Variants in GALNT13 observed in about 807,000 individuals in gnomAD.
GALNT13 encodes the protein polypeptide N-acetylgalactosaminyltransferase 13.
A neutral mutation model predicts 64.2 loss-of-function variants in GALNT13; 28 were observed. The ratio of observed to expected loss-of-function variants is 0.44; its 90% CI spans 0.32 to 0.60. The LOEUF (loss-of-function observed/expected upper bound fraction) is 0.60, where lower values mean the gene tolerates loss of function less well. GALNT13 is among the 20% of genes least tolerant of loss of function. GALNT13 has a pLI of 0.05. For missense variants in GALNT13, 577 were observed against 669.8 expected (o/e 0.86, Z 1.53); for synonymous variants, 214 against 224.6 (o/e 0.95, Z 0.42).
At chr2:153,863,639 A>G in the GALNT13 span, among the ~76,000 whole-genome samples, 1 of 152,188 alleles carries the variant, frequency 6.6e-6, no homozygotes, top group South Asian at 2.1e-4. Flanking sequence ...GAAGTATTAG[A>G]TACTTAAACA....
intron 4 of GALNT13, among the ~76,000 whole-genome samples, chr2:154,198,702 G>GA (rs1288051839): frequency 6.6e-6 from 1 of 150,698 alleles, no homozygotes; most frequent in Non-Finnish European, 1.5e-5. Context: ...TTAACTTTTT[G>GA]AAAAAATAAA....
chr2:154,231,661 A>G (rs1688922083), intron 4 of GALNT13, among the ~76,000 whole-genome samples: 1 of 151,580 alleles, frequency 6.6e-6, no homozygotes, highest in Non-Finnish European at 1.5e-5. Flanking sequence ...AGTAAAAACC[A>G]CAAGGTGCAG....
the GALNT13 span, among the ~76,000 whole-genome samples, chr2:153,722,982 C>T: frequency 1.3e-5 from 2 of 152,012 alleles, no homozygotes. Flanking sequence ...GATACCAAAG[C>T]CGGGCAGAGA....
chr2:153,154,311 G>A, the GALNT13 span, among the ~76,000 whole-genome samples: 56 of 152,242 alleles, frequency 3.7e-4, no homozygotes, highest in African/African-American at 1.3e-3. Context: ...CTGCCACCAC[G>A]TAAGACGTGC....
chr2:153,823,528 C>T, the GALNT13 span, among the ~76,000 whole-genome samples: 2 of 152,236 alleles, frequency 1.3e-5, no homozygotes, highest in South Asian at 2.1e-4. Flanking sequence ...AAAGGACCCC[C>T]TATTCAATAA....
the GALNT13 span, among the ~76,000 whole-genome samples, chr2:153,339,566 C>T: frequency 6.6e-6 from 1 of 152,080 alleles, no homozygotes; most frequent in Admixed American, 6.5e-5. Flanking sequence ...TGTAAGTTGT[C>T]TTTTTACTCC....
chr2:153,211,026 T>C, the GALNT13 span, among the ~76,000 whole-genome samples: 1 of 152,208 alleles, frequency 6.6e-6, no homozygotes, highest in Non-Finnish European at 1.5e-5. Context: ...ATAACACATT[T>C]ATACCCAATT....
At chr2:153,566,348 G>GTTTTTTTGTTTTTTTTTTTTTTT in the GALNT13 span, among the ~76,000 whole-genome samples, 14 of 74,806 alleles carry the variant, frequency 1.9e-4, no homozygotes, top group African/African-American at 8.9e-4. Context: ...TTCTAATCAC[G>GTTTTTTTGTTTTTTTTTTTTTTT]TTTTTTTTTT....
At chr2:154,301,940 A>T (rs1559078679) in intron 9 of GALNT13, among the ~76,000 whole-genome samples, 1 of 152,082 alleles carries the variant, frequency 6.6e-6, no homozygotes, top group East Asian at 1.9e-4. Context: ...CAGAAACAAG[A>T]TGGAAAATTA....
chr2:153,464,985 G>C, the GALNT13 span, among the ~76,000 whole-genome samples: 3 of 152,094 alleles, frequency 2.0e-5, no homozygotes, highest in South Asian at 4.1e-4. Context: ...CAACACAGTA[G>C]TATGAATTCT....
the GALNT13 span, among the ~76,000 whole-genome samples, chr2:153,126,065 A>C: frequency 6.6e-6 from 1 of 151,930 alleles, no homozygotes; most frequent in Admixed American, 6.5e-5. Context: ...AAATGCTTTA[A>C]ATTTATGGAT....
rs561185498 is a variant in GALNT13 at position 154,253,196 on chromosome 2, G to A, written c.858-5825G>A. ...AATGACAGTCAAACACTGTGGGGCT[G>A]GGGTTTGAATCCAATCTAGCTATGA... On this transcript the variant is annotated intron_variant, in intron 7 of 12. Coordinates refer to ENST00000392825, the MANE Select transcript of GALNT13 (RefSeq NM_052917.4). Among the ~76,000 whole-genome samples the A allele has an allele frequency of 5.9e-5, 9 of 152,240 alleles. No homozygotes were observed. In the South Asian group the frequency reaches 1.9e-3, roughly 32 times the overall value.
chr2:153,068,661 A>G, the GALNT13 span, among the ~76,000 whole-genome samples: 4 of 152,204 alleles, frequency 2.6e-5, no homozygotes, highest in Admixed American at 6.5e-5. Context: ...GATATGTAAC[A>G]AAGTTTACAT....
At chr2:153,571,908 T>C in the GALNT13 span, among the ~76,000 whole-genome samples, 1,912 of 145,396 alleles carry the variant, frequency 0.013, 28 homozygotes, top group Middle Eastern at 0.037. Flanking sequence ...GGAGTTTTCT[T>C]TTTTTTTGAT....
intron 12 of GALNT13, among the ~76,000 whole-genome samples, chr2:154,448,934 A>G (rs915222002): frequency 2.6e-5 from 4 of 152,028 alleles, no homozygotes; most frequent in African/African-American, 7.2e-5. Context: ...GAGAATATAT[A>G]CATAAAAGAC....
chr2:153,427,640 T>C, the GALNT13 span, among the ~76,000 whole-genome samples: 1 of 152,168 alleles, frequency 6.6e-6, no homozygotes, highest in Non-Finnish European at 1.5e-5. Context: ...AACTTAAACA[T>C]TTTTTAAAAG....
At chr2:153,385,018 A>C in the GALNT13 span, among the ~76,000 whole-genome samples, 11 of 152,124 alleles carry the variant, frequency 7.2e-5, no homozygotes, top group African/African-American at 2.4e-4. Flanking sequence ...CAGTGAAAAA[A>C]TAATCTATTT....
chr2:153,753,472 C>A, the GALNT13 span, among the ~76,000 whole-genome samples: 1 of 152,182 alleles, frequency 6.6e-6, no homozygotes, highest in South Asian at 2.1e-4. Context: ...AACCCAGTAA[C>A]ACTGTGATTC....
chr2:154,427,870 G>A (rs555386119), intron 11 of GALNT13, among the ~76,000 whole-genome samples: 51 of 152,276 alleles, frequency 3.3e-4, no homozygotes, highest in African/African-American at 1.1e-3. Context: ...AGCTCCACTG[G>A]TGACTTCAAT....
Sources: gnomAD v4.1 joint callset for allele counts (sites outside exome capture counted in the v4.1 genomes callset) on GRCh38, gnomAD v4.1.1 for gene constraint, MANE v1.5 for transcripts, NCBI Gene and HGNC (gene_info 2026-07-23, HGNC 2026-07-21) for gene names.